The following ALG9 variants were observed in gnomAD, a reference collection of about 807,000 sequenced individuals.
ALG9 encodes the protein alpha-1,2-mannosyltransferase ALG9.
ALG9 carries 55 observed loss-of-function variants against 81.8 expected under a neutral mutation model. That is an observed-to-expected ratio of 0.67 (90% CI 0.54 to 0.84). ALG9 has a LOEUF of 0.84. ALG9 is among the 40% of genes least tolerant of loss of function. ALG9 has a pLI of 0.00. For synonymous variants in ALG9, 278 were observed against 274.3 expected (o/e 1.01, Z -0.13); for missense variants, 629 against 745.0 (o/e 0.84, Z 1.81).
chr11:111,870,836 G>C (rs982465757), intron 1 of ALG9: 1 of 1,005,472 alleles, frequency 9.9e-7, no homozygotes, highest in Non-Finnish European at 1.2e-6. Flanking sequence ...CATTGCTTTT[G>C]ATGGCTTTAT....
intron 2 of ALG9, among the ~76,000 whole-genome samples, chr11:111,869,701 G>A (rs1963651464): frequency 6.6e-6 from 1 of 152,208 alleles, no homozygotes. Context: ...GTGAAAACAT[G>A]TTACTGGCCA....
At chr11:111,822,146 C>T (rs116558563) in intron 13 of ALG9, among the ~76,000 whole-genome samples, 2,396 of 152,234 alleles carry the variant, frequency 0.016, 79 homozygotes, top group African/African-American at 0.055. Flanking sequence ...GTGGCTCAAA[C>T]CTGTAAACCT....
At chr11:111,817,967 C>T (rs756558502) in intron 13 of ALG9, among the ~76,000 whole-genome samples, 125 of 151,956 alleles carry the variant, frequency 8.2e-4, no homozygotes, top group Non-Finnish European at 1.4e-3. Context: ...TTAATAGAGA[C>T]GGGATTTCAC....
At chr11:111,803,640 C>T (rs1267574800) in intron 14 of ALG9, among the ~76,000 whole-genome samples, 1 of 151,972 alleles carries the variant, frequency 6.6e-6, no homozygotes, top group Non-Finnish European at 1.5e-5. Flanking sequence ...GAATAGAGAG[C>T]CCAGAAATAG....
chr11:111,865,360 T>G, intron 3 of ALG9, 109 bp from the exon 4 acceptor site: 1 of 857,178 alleles, frequency 1.2e-6, no homozygotes, highest in Non-Finnish European at 1.8e-6. Flanking sequence ...ATTGGTATAA[T>G]TCTTTTGAAA....
chr11:111,822,408 C>CA (rs56367678), intron 13 of ALG9, among the ~76,000 whole-genome samples: 52,219 of 66,566 alleles, frequency 0.78, 21,056 homozygotes, highest in East Asian at 0.98. Context: ...AACTCAGTCT[C>CA]AAAAAAAAAA....
intron 9 of ALG9, among the ~76,000 whole-genome samples, chr11:111,842,814 T>C (rs1956425347): frequency 6.6e-6 from 1 of 152,246 alleles, no homozygotes; most frequent in Non-Finnish European, 1.5e-5. Context: ...TAGGTAGATA[T>C]GTGCATACAT....
chr11:111,844,667 A>T lies in ALG9; in HGVS notation c.952T>A (p.Phe318Ile), dbSNP rs782574192. 3 of 1,614,096 alleles carry T rather than the reference A, an allele frequency of 1.9e-6. No homozygotes were observed. The highest frequency in any genetic ancestry group is 3.3e-5 in the Admixed American group (2 of 60,024). ...INGFLNFNVA[F>I]ALALLVLPLT... The stretch of plus-strand genomic sequence containing the variant: ...GGTAGGACTAGGAGAGCCAAAGCAA[A>T]GGCTACATTGAAATTCAGAAATCCA... The change falls in exon 9 of 15, where the codon TTT becomes ATT. Residue 318 changes from phenylalanine (F) to isoleucine (I), a missense_variant. Physicochemically the swap from Phe to Ile is conservative, Grantham distance 21 (BLOSUM62 0). This residue lies in a region of ALG9 where 344 missense variants were observed against 390.5 expected (regional missense o/e 0.88). Transcript: ENST00000616540.
chr11:111,869,490 T>C (rs186401782), intron 2 of ALG9, among the ~76,000 whole-genome samples: 52 of 152,270 alleles, frequency 3.4e-4, no homozygotes, highest in African/African-American at 1.1e-3. Context: ...TTCTGGAAAG[T>C]AGGATTTGGA....
chr11:111,869,229 T>G (rs1555156178), intron 2 of ALG9, among the ~76,000 whole-genome samples: 1 of 152,260 alleles, frequency 6.6e-6, no homozygotes, highest in Admixed American at 6.5e-5. Flanking sequence ...TACTTATTTT[T>G]TCTCAATACT....
At chr11:111,806,281 G>A (rs937625981) in intron 14 of ALG9, among the ~76,000 whole-genome samples, 3 of 152,038 alleles carry the variant, frequency 2.0e-5, no homozygotes, top group Non-Finnish European at 2.9e-5. Flanking sequence ...CAAAAGACTT[G>A]TCCATATTTG....
At position 111,783,999 on chromosome 11, in the gene ALG9, T is replaced by G. The variant is rs1376402382; in HGVS notation, c.*2398A>C. Reference sequence around the variant, plus strand: ...ACTTTGATTAGAAAAAAGCCATTCATCACAGATGGACCTCCATTCCTGGAT... The same window carrying G: ...ACTTTGATTAGAAAAAAGCCATTCAGCACAGATGGACCTCCATTCCTGGAT... On this transcript the variant is annotated 3_prime_UTR_variant, in exon 15 of 15. Transcript: ENST00000616540. 1 of 152,036 alleles carries G rather than the reference T, an allele frequency of 6.6e-6. No homozygotes were observed. Among genetic ancestry groups the G allele is most frequent in the Non-Finnish European group, 1.5e-5 (1 of 68,000 alleles). The allele number at this position is 152,036 out of a possible 1,614,324, so 9.4% of individuals were successfully genotyped here.
At chr11:111,854,095 CT>C (rs34575358) in intron 6 of ALG9, among the ~76,000 whole-genome samples, 5,029 of 117,742 alleles carry the variant, frequency 0.043, 160 homozygotes, top group African/African-American at 0.15. Context: ...TTATTACAGA[CT>C]TTTTTTTTTT....
chr11:111,868,136 G>A lies in ALG9; in HGVS notation c.405+466C>T, dbSNP rs2137263115. 3.9e-5 allele frequency among the ~76,000 whole-genome samples: 6 copies of A among 152,244 alleles called. No individual in the cohort carries two copies. The South Asian group carries it at 1.2e-3, about 32-fold the overall frequency. On this transcript the variant is annotated intron_variant, in intron 3 of 14. Transcript: ENST00000616540. ...AGGAATAAGCCCAAAGATTCAAGAA[G>A]CTGAATAAACTCCAAACAGGACAAA...
At chr11:111,801,312 A>G (rs1224333297) in intron 14 of ALG9, among the ~76,000 whole-genome samples, 3 of 152,198 alleles carry the variant, frequency 2.0e-5, no homozygotes, top group African/African-American at 7.2e-5. Flanking sequence ...CAGCAACATC[A>G]TATGTCATGG....
chr11:111,790,456 C>T (rs1191460024), intron 14 of ALG9, among the ~76,000 whole-genome samples: 3 of 151,974 alleles, frequency 2.0e-5, no homozygotes, highest in Non-Finnish European at 4.4e-5. Context: ...ACAGCAAAAC[C>T]GCATTTCTGA....
chr11:111,814,485 T>C (rs1371241541), intron 13 of ALG9: 4 of 152,180 alleles, frequency 2.6e-5, no homozygotes, highest in Non-Finnish European at 5.9e-5. Flanking sequence ...GCTCTATTAT[T>C]ATTACTACTA....
Position 111,861,912 on chromosome 11 carries a change from T to C in ALG9, c.477-1277A>G, listed in dbSNP as rs142842788. Reference sequence around the variant, plus strand: ...ACTTTGAAGATATTCTTTTTTGGTCTTCTGGCTGTTAAAAAGTCTTCTGTC... The same window carrying C: ...ACTTTGAAGATATTCTTTTTTGGTCCTCTGGCTGTTAAAAAGTCTTCTGTC... On this transcript the variant is annotated intron_variant, in intron 4 of 14. Transcript: ENST00000616540. 6.9e-3 allele frequency among the ~76,000 whole-genome samples: 1,050 copies of C among 152,322 alleles called. 11 individuals are homozygous for C. Among genetic ancestry groups the C allele is most frequent in the African/African-American group, 0.023 (975 of 41,578 alleles).
chr11:111,811,879 G>C (rs563367316), intron 13 of ALG9, among the ~76,000 whole-genome samples: 3 of 150,898 alleles, frequency 2.0e-5, no homozygotes, highest in African/African-American at 7.3e-5. Context: ...GGGTTTTTTT[G>C]GGGGGGAGGC....
Sources: allele counts gnomAD v4.1 joint callset (sites outside exome capture counted in the v4.1 genomes callset), GRCh38; gene constraint gnomAD v4.1.1; regional missense constraint gnomAD v4.1.1; transcripts MANE v1.5; gene names NCBI Gene and HGNC (gene_info 2026-07-23, HGNC 2026-07-21).